The following TERB2 variants were observed in gnomAD, a reference collection of about 807,000 sequenced individuals.
TERB2 encodes the protein telomere repeat binding bouquet formation protein 2.
In TERB2, 26 loss-of-function variants were observed where a neutral mutation model predicts 29.8. The observed-to-expected ratio is 0.87, with a 90% CI of 0.64 to 1.21. The LOEUF (loss-of-function observed/expected upper bound fraction) is 1.21. TERB2 is among the 50% of genes most tolerant of loss of function. The pLI is 0.00. For missense variants in TERB2, 240 were observed against 268.6 expected (o/e 0.89, Z 0.74); for synonymous variants, 80 against 90.8 (o/e 0.88, Z 0.68).
chr15:44,976,360 C>T (rs1892047428), intron 6 of TERB2, among the ~76,000 whole-genome samples: 1 of 152,148 alleles, frequency 6.6e-6, no homozygotes, highest in Non-Finnish European at 1.5e-5. Context: ...AAACCTCATT[C>T]AAGTGGTTAT....
intron 4 of TERB2, 114 bp downstream of exon 4, chr15:44,961,698 G>C: frequency 1.5e-6 from 1 of 660,966 alleles, no homozygotes; most frequent in South Asian, 2.2e-5. Flanking sequence ...GTCAGATTAA[G>C]AGATTGATTT....
intron 6 of TERB2, among the ~76,000 whole-genome samples, chr15:44,975,428 G>A (rs1364544866): frequency 1.3e-5 from 2 of 152,122 alleles, no homozygotes; most frequent in Admixed American, 1.3e-4. Flanking sequence ...TTAGGCTGTG[G>A]TATCAATTTT....
chr15:44,968,585 T>A (rs1250402389), intron 5 of TERB2, among the ~76,000 whole-genome samples: 5 of 81,550 alleles, frequency 6.1e-5, no homozygotes, highest in East Asian at 9.0e-4. Context: ...TTGTTTAACC[T>A]TTTTTTTTTT....
intron 6 of TERB2, among the ~76,000 whole-genome samples, chr15:44,975,111 G>C (rs1450803500): frequency 6.6e-6 from 1 of 152,118 alleles, no homozygotes; most frequent in African/African-American, 2.4e-5. Context: ...AATTTTAAAA[G>C]TATAATTTCA....
chr15:44,969,214 G>A (rs1479480630), intron 5 of TERB2, among the ~76,000 whole-genome samples: 2 of 151,892 alleles, frequency 1.3e-5, no homozygotes, highest in Non-Finnish European at 2.9e-5. Context: ...AGCAACTTTC[G>A]TGCCTCAGCC....
At chr15:44,974,024 G>T in intron 6 of TERB2, 69 bp downstream of exon 6, 1 of 1,334,062 alleles carries the variant, frequency 7.5e-7, no homozygotes, top group Non-Finnish European at 9.8e-7. Context: ...GTTGAATAAA[G>T]CTGTTGTACT....
intron 3 of TERB2, among the ~76,000 whole-genome samples, chr15:44,959,378 T>C (rs772962388): frequency 1.9e-4 from 29 of 152,008 alleles, no homozygotes; most frequent in Non-Finnish European, 3.7e-4. Context: ...ACTTTATTAT[T>C]ATTATTTTGA....
intron 4 of TERB2, among the ~76,000 whole-genome samples, chr15:44,963,304 AGATAT>A (rs934339322): frequency 1.3e-5 from 2 of 152,212 alleles, no homozygotes; most frequent in African/African-American, 4.8e-5. Context: ...ATGTTCAGTC[AGATAT>A]GATATAATAA....
At chr15:44,964,261 C>T (rs11632347) in intron 4 of TERB2, among the ~76,000 whole-genome samples, 27,969 of 151,926 alleles carry the variant, frequency 0.18, 3,010 homozygotes, top group East Asian at 0.35. Context: ...AAAATCAGGC[C>T]ATCAACTTAT....
intron 4 of TERB2, among the ~76,000 whole-genome samples, chr15:44,963,716 TAAAAAG>T (rs1483536274): frequency 6.8e-6 from 1 of 146,384 alleles, no homozygotes; most frequent in Non-Finnish European, 1.5e-5. Flanking sequence ...TCCACAAAAA[TAAAAAG>T]AGAGAGGAGG....
chr15:44,973,877 C>T lies in TERB2; in HGVS notation c.445C>T (p.His149Tyr), dbSNP rs1192506362. ...KKELSKSPEK[H>Y]FIRTPVVEKQ... ...TGCTTTATTTTACAGCCCAGAAAAG[C>T]ATTTTATAAGAACTCCAGTTGTAGA... The change falls in exon 6 of 7, where the codon CAT becomes TAT. Residue 149 changes from histidine (H) to tyrosine (Y), a missense_variant. Coordinates refer to ENST00000340827, the MANE Select transcript of TERB2 (RefSeq NM_152448.3). 2 of 1,591,478 alleles carry T rather than the reference C, an allele frequency of 1.3e-6. No individual in the cohort carries two copies. Among genetic ancestry groups the T allele is most frequent in the Admixed American group, 1.7e-5 (1 of 58,598 alleles).
chr15:44,976,144 C>T (rs1892044006), intron 6 of TERB2: 1 of 152,282 alleles, frequency 6.6e-6, no homozygotes, highest in African/African-American at 2.4e-5. Flanking sequence ...AATCCTCCTG[C>T]CTTGGCCTCC....
intron 4 of TERB2, among the ~76,000 whole-genome samples, chr15:44,962,340 C>T (rs1249707441): frequency 6.6e-6 from 1 of 151,398 alleles, no homozygotes; most frequent in Non-Finnish European, 1.5e-5. Context: ...AGCCACCAAG[C>T]CCAGCTATTT....
chr15:44,959,626 C>A (rs111707458), intron 3 of TERB2, among the ~76,000 whole-genome samples: 12 of 152,156 alleles, frequency 7.9e-5, no homozygotes, highest in Admixed American at 1.3e-4. Context: ...CCTCAGCCCC[C>A]CAAAGTGCTG....
intron 2 of TERB2, among the ~76,000 whole-genome samples, chr15:44,957,623 C>T (rs533805004): frequency 6.6e-6 from 1 of 152,314 alleles, no homozygotes; most frequent in African/African-American, 2.4e-5. Flanking sequence ...TGTTCTTCAT[C>T]CTCACTGACA....
intron 3 of TERB2, among the ~76,000 whole-genome samples, chr15:44,959,502 G>C (rs1891769571): frequency 6.6e-6 from 1 of 151,876 alleles, no homozygotes; most frequent in Non-Finnish European, 1.5e-5. Context: ...TAAGTAGCTG[G>C]GACTACAGGC....
chr15:44,963,842 G>A (rs918464155), intron 4 of TERB2, among the ~76,000 whole-genome samples: 6 of 121,854 alleles, frequency 4.9e-5, no homozygotes, highest in African/African-American at 2.0e-4. Flanking sequence ...ATGGAGCCTC[G>A]TTCTGTCGCC....
chr15:44,963,804 CTTTTTTTT>C (rs34438861), intron 4 of TERB2, among the ~76,000 whole-genome samples: 74 of 79,178 alleles, frequency 9.3e-4, no homozygotes, highest in African/African-American at 3.4e-3. Context: ...TTATACTATT[CTTTTTTTT>C]TTTTTTTTTT....
At chr15:44,959,323 T>C (rs1438442199) in intron 3 of TERB2, among the ~76,000 whole-genome samples, 1 of 152,118 alleles carries the variant, frequency 6.6e-6, no homozygotes, top group Non-Finnish European at 1.5e-5. Context: ...ACACCCTTTC[T>C]TATACCGTTC....
Sources: gnomAD v4.1 joint callset for allele counts (sites outside exome capture counted in the v4.1 genomes callset) on GRCh38, gnomAD v4.1.1 for gene constraint, MANE v1.5 for transcripts, NCBI Gene and HGNC (gene_info 2026-07-23, HGNC 2026-07-21) for gene names.